Variants in S100A13 observed in about 807,000 individuals in gnomAD.
S100A13 encodes the protein protein S100-A13.
S100A13 carries 6 observed loss-of-function variants against 8.2 expected under a neutral mutation model. The observed-to-expected ratio is 0.73, with a 90% CI of 0.40 to 1.44. The LOEUF (loss-of-function observed/expected upper bound fraction) is 1.44. Ranked by LOEUF, S100A13 falls within the 40% of genes most tolerant of loss-of-function variation. S100A13 has a pLI of 0.02. For missense variants in S100A13, 114 were observed against 113.6 expected, an observed-to-expected ratio of 1.00 and a Z score of -0.02; for synonymous variants, 39 against 45.9, an observed-to-expected ratio of 0.85 and a Z score of 0.61.
upstream of S100A13, chr1:153,630,614 G>A (rs768325636): frequency 6.2e-7 from 1 of 1,614,136 alleles, no homozygotes; most frequent in East Asian, 2.2e-5. Context: ...AGCTGAGCAA[G>A]AAGGAGCTGA....
upstream of S100A13, chr1:153,628,769 G>A (rs966257218): frequency 4.0e-6 from 2 of 498,742 alleles, no homozygotes; most frequent in Non-Finnish European, 6.9e-6. Flanking sequence ...CTGACCGCCT[G>A]GCCCTCCCAC....
intron 2 of S100A13, among the ~76,000 whole-genome samples, chr1:153,620,683 T>C (rs929291477): frequency 6.6e-6 from 1 of 152,230 alleles, no homozygotes; most frequent in Admixed American, 6.5e-5. Flanking sequence ...CACTGCATTA[T>C]GTATTACAAG....
chr1:153,624,648 G>A (rs1222437141), intron 2 of S100A13, among the ~76,000 whole-genome samples: 1 of 146,662 alleles, frequency 6.8e-6, no homozygotes, highest in Non-Finnish European at 1.5e-5. Flanking sequence ...GATGAAAAAG[G>A]AAACGTCTGG....
At chr1:153,630,335 C>A, upstream of S100A13, 1 of 768,778 alleles carries the variant, frequency 1.3e-6, no homozygotes, top group Non-Finnish European at 2.0e-6. Context: ...GCACTTAGGT[C>A]TCTTGGGGTT....
At chr1:153,630,118 A>G (rs1259192964), upstream of S100A13, 26 of 290,150 alleles carry the variant, frequency 9.0e-5, no homozygotes, top group Non-Finnish European at 7.7e-5. Flanking sequence ...GGCAAGGTCC[A>G]GGGTAAAAAT....
At chr1:153,631,992 C>A, upstream of S100A13, 1 of 763,210 alleles carries the variant, frequency 1.3e-6, no homozygotes, top group South Asian at 1.9e-5. Flanking sequence ...GAGTAGCGGT[C>A]CAAGCCTGCA....
At chr1:153,632,862 T>C (rs892624174), upstream of S100A13, among the ~76,000 whole-genome samples, 5 of 152,156 alleles carry the variant, frequency 3.3e-5, no homozygotes, top group South Asian at 2.1e-4. Context: ...ATTGTGCACA[T>C]AGTCATTAGA....
At chr1:153,630,933 T>C, upstream of S100A13, 1 of 475,960 alleles carries the variant, frequency 2.1e-6, no homozygotes, top group Middle Eastern at 5.4e-4. Context: ...GATTGACACT[T>C]AAAAGTAAAC....
At chr1:153,631,684 T>G, upstream of S100A13, 1 of 1,613,944 alleles carries the variant, frequency 6.2e-7, no homozygotes, top group South Asian at 1.1e-5. Flanking sequence ...CCTCTTCCTC[T>G]CCTCCCACCA....
At chr1:153,632,831 C>T (rs1466144446), upstream of S100A13, among the ~76,000 whole-genome samples, 1 of 152,128 alleles carries the variant, frequency 6.6e-6, no homozygotes, top group Non-Finnish European at 1.5e-5. Flanking sequence ...TTCTCTCATT[C>T]CTCAAACATA....
upstream of S100A13, chr1:153,628,744 C>A: frequency 3.2e-6 from 2 of 622,882 alleles, no homozygotes; most frequent in Admixed American, 3.2e-5. Context: ...CAGTGGGGAA[C>A]CCACCATGAG....
upstream of S100A13, chr1:153,630,727 CCTTGCT>C: frequency 1.3e-6 from 2 of 1,574,590 alleles, no homozygotes; most frequent in African/African-American, 1.3e-5. Flanking sequence ...GTGGACACCC[CCTTGCT>C]ATCTCCCCAC....
intron 2 of S100A13, among the ~76,000 whole-genome samples, chr1:153,624,596 T>C (rs1667485606): frequency 6.8e-6 from 1 of 146,426 alleles, no homozygotes; most frequent in African/African-American, 2.5e-5. Context: ...ATATAAGGAA[T>C]GCTGTCCCTT....
In S100A13 at chr1:153,623,581, G is replaced by T. The variant is rs192105152; in HGVS notation, c.153+2739C>A. On this transcript the variant is annotated intron_variant, in intron 2 of 2. Transcript: ENST00000476133. ...TTTAAATATATTTTTAGTAGAGATG[G>T]GGTTTCACTATGTTGGCCAGGCTGG... Among the ~76,000 whole-genome samples the T allele has an allele frequency of 7.2e-4, 109 of 152,184 alleles. 1 individual carries two copies. Among genetic ancestry groups the T allele is most frequent in the African/African-American group, 2.5e-3 (103 of 41,490 alleles).
At chr1:153,626,642 G>A in intron 1 of S100A13, 109 bp from the exon 2 acceptor site, 5 of 590,988 alleles carry the variant, frequency 8.5e-6, no homozygotes, top group Non-Finnish European at 1.5e-5. Context: ...AGCCTGGAGG[G>A]GGCATATGGG....
chr1:153,630,302 T>A (rs985369147), upstream of S100A13: 7 of 603,320 alleles, frequency 1.2e-5, no homozygotes, highest in African/African-American at 1.3e-4. Flanking sequence ...GGGTACAGAC[T>A]GAGGGACACA....
In S100A13 at chr1:153,626,303, C is replaced by T; in HGVS notation, c.153+17G>A. The stretch of plus-strand genomic sequence containing the variant: ...AATCATCATCTCACAAAATCTCAGT[C>T]CCAGACTTCTGCCTACCTTGAGCAG... On this transcript the variant is annotated intron_variant, in intron 2 of 2. Transcript: ENST00000476133. 6.2e-7 allele frequency: 1 copy of T among 1,612,584 alleles called. No individual in the cohort carries two copies. The highest frequency in any genetic ancestry group is 1.1e-5 in the South Asian group (1 of 90,950).
chr1:153,620,145 G>A (rs1667141973), intron 2 of S100A13, among the ~76,000 whole-genome samples: 1 of 152,076 alleles, frequency 6.6e-6, no homozygotes, highest in Non-Finnish European at 1.5e-5. Flanking sequence ...AAATTAGCCA[G>A]ATATGGTGGT....
At chr1:153,633,649 G>C (rs999915335), upstream of S100A13, among the ~76,000 whole-genome samples, 2 of 152,184 alleles carry the variant, frequency 1.3e-5, no homozygotes, top group African/African-American at 4.8e-5. Flanking sequence ...CTCTCAGACT[G>C]GGCGAGTGGC....
Sources: gnomAD v4.1 joint callset for allele counts (sites outside exome capture counted in the v4.1 genomes callset) on GRCh38, gnomAD v4.1.1 for gene constraint, MANE v1.5 for transcripts, NCBI Gene and HGNC (gene_info 2026-07-23, HGNC 2026-07-21) for gene names.